COL14A1: variants seen among roughly 807,000 people sequenced by gnomAD.
COL14A1 encodes collagen type XIV alpha 1 chain.
A neutral mutation model predicts 230.3 loss-of-function variants in COL14A1; 136 were observed. The observed-to-expected ratio is 0.59, with a 90% CI of 0.51 to 0.68. The LOEUF (loss-of-function observed/expected upper bound fraction) is 0.68. Among genes scored for constraint, COL14A1 ranks in the 30% least tolerant of loss-of-function variants. The pLI, the probability that COL14A1 is intolerant of heterozygous loss-of-function variation, is 0.00. For missense variants in COL14A1, 1,976 were observed against 2,215.8 expected, an observed-to-expected ratio of 0.89 and a Z score of 2.17; for synonymous variants, 792 against 784.1, an observed-to-expected ratio of 1.01 and a Z score of -0.17.
chr8:120,289,735 G>C lies in COL14A1; in HGVS notation c.4205G>C (p.Arg1402Pro). The C allele has an allele frequency of 1.2e-6, 2 of 1,613,748 alleles. No homozygotes were observed. Among genetic ancestry groups the C allele is most frequent in the Non-Finnish European group, 1.7e-6 (2 of 1,179,816 alleles). The stretch of plus-strand genomic sequence containing the variant: ...GTAGAAGTGCTAGGGAAAATGGTTC[G>C]ATCAAGAGGACCAGGTGGAAACTCT... Reference protein sequence around the residue: ...DGVEVLGKMVRSRGPGGNSAP... With the variant: ...DGVEVLGKMVPSRGPGGNSAP... Residue 1402 changes from arginine to proline, a missense_variant, in exon 34 of 48, where the codon CGA becomes CCA. This residue lies in a region of COL14A1 where 1,791 missense variants were observed against 2,019.5 expected (regional missense o/e 0.89). Coordinates refer to ENST00000297848, the MANE Select transcript of COL14A1 (RefSeq NM_021110.4).
chr8:120,323,196 G>A (rs898124651), intron 40 of COL14A1, among the ~76,000 whole-genome samples: 25 of 151,898 alleles, frequency 1.6e-4, no homozygotes, highest in African/African-American at 4.3e-4. Context: ...TCATATGTTT[G>A]TTGGCTGCGT....
chr8:120,177,192 A>G (rs1816308829), intron 5 of COL14A1, among the ~76,000 whole-genome samples: 1 of 152,238 alleles, frequency 6.6e-6, no homozygotes, highest in Non-Finnish European at 1.5e-5. Context: ...AGCAAACACA[A>G]AATCACATTT....
At chr8:120,155,773 A>G (rs1048379719) in intron 2 of COL14A1, among the ~76,000 whole-genome samples, 2 of 152,194 alleles carry the variant, frequency 1.3e-5, no homozygotes, top group African/African-American at 4.8e-5. Context: ...ATTTTCTTCC[A>G]TAAGTAATAA....
At chr8:120,319,557 G>T (rs534512041) in intron 40 of COL14A1, among the ~76,000 whole-genome samples, 2 of 152,254 alleles carry the variant, frequency 1.3e-5, no homozygotes, top group Admixed American at 6.5e-5. Flanking sequence ...CTTATGGAAA[G>T]GTTAGCACCC....
intron 40 of COL14A1, among the ~76,000 whole-genome samples, chr8:120,320,045 G>A (rs1461249319): frequency 6.6e-6 from 1 of 151,370 alleles, no homozygotes; most frequent in Non-Finnish European, 1.5e-5. Context: ...CTAATATATG[G>A]TGGCTTTCTC....
chr8:120,156,234 A>T (rs1815474889), intron 2 of COL14A1, among the ~76,000 whole-genome samples: 1 of 150,896 alleles, frequency 6.6e-6, no homozygotes. Context: ...CAGTAGCCTG[A>T]TCTCAGCTCC....
chr8:120,206,909 TA>T, intron 9 of COL14A1, 33 bp from the exon 10 acceptor site: 1 of 1,560,444 alleles, frequency 6.4e-7, no homozygotes, highest in South Asian at 1.2e-5. Flanking sequence ...TAACTTTGGG[TA>T]AGAGGTTTAT....
chr8:120,316,123 T>G, intron 40 of COL14A1, 126 bp downstream of exon 40: 1 of 818,334 alleles, frequency 1.2e-6, no homozygotes, highest in South Asian at 1.5e-5. Context: ...CTCCTGTTTA[T>G]GTATTTTCCA....
chr8:120,314,061 T>C (rs1285496947), intron 38 of COL14A1, 34 bp downstream of exon 38: 1 of 1,425,334 alleles, frequency 7.0e-7, no homozygotes, highest in Non-Finnish European at 9.7e-7. Flanking sequence ...ACGGGTTTTA[T>C]TGTTATCTCT....
At chr8:120,301,610 G>A (rs915641943) in intron 36 of COL14A1, among the ~76,000 whole-genome samples, 14 of 152,056 alleles carry the variant, frequency 9.2e-5, no homozygotes, top group Admixed American at 9.2e-4. Flanking sequence ...GTCACTGATG[G>A]GCATTTAGGT....
intron 44 of COL14A1, among the ~76,000 whole-genome samples, chr8:120,343,922 A>G (rs143518217): frequency 5.0e-4 from 76 of 152,318 alleles, no homozygotes; most frequent in African/African-American, 1.7e-3. Flanking sequence ...ACCACTACCC[A>G]AGAAAGATCT....
chr8:120,267,848 T>A (rs1418048063), intron 25 of COL14A1, among the ~76,000 whole-genome samples: 1 of 151,808 alleles, frequency 6.6e-6, no homozygotes, highest in Non-Finnish European at 1.5e-5. Context: ...AATCTATGTT[T>A]AAGAATGATA....
At chr8:120,164,357 T>G (rs1815792099) in intron 4 of COL14A1, among the ~76,000 whole-genome samples, 2 of 152,170 alleles carry the variant, frequency 1.3e-5, no homozygotes, top group Admixed American at 1.3e-4. Flanking sequence ...TGTGAGGTGG[T>G]GGGTATGGAA....
rs773321738 is a variant in COL14A1, at chr8:120,247,713, A to G, written c.2580A>G (p.Arg860=). The change falls in exon 21 of 48, where the codon AGA becomes AGG. Residue 860 remains arginine, a synonymous_variant. Transcript: ENST00000297848. Reference sequence around the variant, plus strand: ...CATCTTCCCCGGTGAAAGGCTATAGAATTGTCTACAAACCTGTCAGTGGTA... The same window carrying G: ...CATCTTCCCCGGTGAAAGGCTATAGGATTGTCTACAAACCTGTCAGTGGTA... The part of the protein sequence containing the change: ...DPPSSPVKGY[R]IVYKPVSVPG... 6.2e-7 allele frequency: 1 copy of G among 1,614,114 alleles called. No individual in the cohort carries two copies. Among genetic ancestry groups the G allele is most frequent in the South Asian group, 1.1e-5 (1 of 91,074 alleles).
chr8:120,131,605 T>C (rs914917247), intron 1 of COL14A1, among the ~76,000 whole-genome samples: 1 of 152,114 alleles, frequency 6.6e-6, no homozygotes, highest in Admixed American at 6.5e-5. Context: ...AGATTCTGGA[T>C]ATCAGACCTT....
chr8:120,226,069 G>GGGT (rs544069507), intron 15 of COL14A1, among the ~76,000 whole-genome samples: 48 of 151,722 alleles, frequency 3.2e-4, no homozygotes, highest in African/African-American at 1.1e-3. Flanking sequence ...GGGTGCAGTT[G>GGGT]GGTGTTATAC....
rs145065509 is a variant in COL14A1 at position 120,329,378 on chromosome 8, G to A, written c.4660-2763G>A. Among the ~76,000 whole-genome samples, 754 of 152,202 alleles carry A rather than the reference G, an allele frequency of 5.0e-3. 3 individuals are homozygous for A. The highest frequency in any genetic ancestry group is 0.016 in the African/African-American group (678 of 41,520). On this transcript the variant is annotated intron_variant, in intron 40 of 47. Coordinates refer to ENST00000297848, the MANE Select transcript of COL14A1 (RefSeq NM_021110.4). ...TCCCAGCACTCTGGGGAGTTAAGGC[G>A]TGCAGACTACTTGAGCCTAGGAGTC...
At chr8:120,243,300 C>T (rs553122124) in intron 19 of COL14A1, among the ~76,000 whole-genome samples, 8 of 152,244 alleles carry the variant, frequency 5.3e-5, no homozygotes, top group South Asian at 4.1e-4. Flanking sequence ...GAAGACAACT[C>T]CTTTCAGAAA....
At chr8:120,172,914 A>G (rs1194909596) in intron 5 of COL14A1, among the ~76,000 whole-genome samples, 1 of 152,224 alleles carries the variant, frequency 6.6e-6, no homozygotes, top group Non-Finnish European at 1.5e-5. Context: ...TTTCTGGTTA[A>G]GGTGAAATCT....
Sources: gnomAD v4.1 joint callset for allele counts (sites outside exome capture counted in the v4.1 genomes callset) on GRCh38, gnomAD v4.1.1 for gene constraint, gnomAD v4.1.1 regional missense constraint, MANE v1.5 for transcripts, NCBI Gene and HGNC (gene_info 2026-07-23, HGNC 2026-07-21) for gene names.